Variants in KIF1A observed in about 807,000 individuals in gnomAD.
KIF1A encodes kinesin-like protein KIF1A.
KIF1A carries 46 observed loss-of-function variants against 227.3 expected under a neutral mutation model. The ratio of observed to expected loss-of-function variants is 0.20; its 90% confidence interval spans 0.16 to 0.26. The LOEUF (loss-of-function observed/expected upper bound fraction) is 0.26. Among genes scored for constraint, KIF1A ranks in the 10% least tolerant of loss-of-function variants. The pLI is 1.00. For synonymous variants in KIF1A, 1,022 were observed against 1,012.8 expected, an observed-to-expected ratio of 1.01 and a Z score of -0.17; for missense variants, 1,683 against 2,485.9, an observed-to-expected ratio of 0.68 and a Z score of 6.87.
intron 20 of KIF1A, among the ~76,000 whole-genome samples, chr2:240,763,683 C>T (rs571669801): frequency 1.7e-4 from 26 of 152,332 alleles, no homozygotes; most frequent in South Asian, 2.1e-4. Context: ...GAGCCAGGAC[C>T]CTCCTTCTCA....
chr2:240,767,357 C>T lies in KIF1A; in HGVS notation c.1498-12G>A, dbSNP rs369126975. 2.5e-6 allele frequency: 4 copies of T among 1,609,306 alleles called. No individual in the cohort carries two copies. The highest frequency in any genetic ancestry group is 3.4e-6 in the Non-Finnish European group (4 of 1,176,148). On this transcript the variant is annotated splice_polypyrimidine_tract_variant and intron_variant, in intron 17 of 48. Coordinates refer to ENST00000498729, the MANE Select transcript of KIF1A (RefSeq NM_001244008.2). ...ACGAGGTGTGGTGTCTGCAGGGAGACAGGAGGATCATCTCTCTTGCAGAGG... is the reference window on the plus strand; with the variant it reads ...ACGAGGTGTGGTGTCTGCAGGGAGATAGGAGGATCATCTCTCTTGCAGAGG...
At position 240,820,137 on chromosome 2, in the gene KIF1A, G is replaced by T. The variant is rs922717599; in HGVS notation, c.-76C>A. 6.7e-6 allele frequency: 1 copy of T among 149,386 alleles called. No homozygotes were observed. Among genetic ancestry groups the T allele is most frequent in the South Asian group, 1.8e-4 (1 of 5,668 alleles). 9.3% of individuals were successfully genotyped at this position (149,386 alleles called of 1,614,324 possible). A position where few individuals can be genotyped will look rare whatever the true frequency, so the allele number is the denominator to read the frequency against. On this transcript the variant is annotated 5_prime_UTR_variant, in exon 1 of 49. Coordinates refer to ENST00000498729, the MANE Select transcript of KIF1A (RefSeq NM_001244008.2). This position sits in a 1 kb window ranked among gnomAD's most constrained non-coding sequence, Gnocchi z 6.2. ...GCGGCCTTACCTCTCCGGCGTCACT[G>T]GCGGCGGCCCCGCATGGGCACTGGC...
At position 240,740,936 on chromosome 2, in the gene KIF1A, C is replaced by T. The variant is rs1439301172; in HGVS notation, c.3749+333G>A. ...TCCCCTCCCACCTCCCTCAAAAGTC[C>T]CTTGATCACTTTGTAAGTGCTGTCT... On this transcript the variant is annotated intron_variant, in intron 35 of 48. Coordinates refer to ENST00000498729, the MANE Select transcript of KIF1A (RefSeq NM_001244008.2). This position sits in a 1 kb window ranked among gnomAD's most constrained non-coding sequence, Gnocchi z 6.1. 6.6e-6 allele frequency among the ~76,000 whole-genome samples: 1 copy of T among 151,918 alleles called. No homozygotes were observed. Among genetic ancestry groups the T allele is most frequent in the Non-Finnish European group, 1.5e-5 (1 of 67,940 alleles).
intron 2 of KIF1A, among the ~76,000 whole-genome samples, chr2:240,796,988 C>A (rs571443140): frequency 1.3e-5 from 2 of 152,264 alleles, no homozygotes; most frequent in East Asian, 3.9e-4. Flanking sequence ...TCATTGTCCA[C>A]ATCCTGAAGA....
At chr2:240,756,300 C>T (rs948219612) in intron 27 of KIF1A, among the ~76,000 whole-genome samples, 1 of 152,224 alleles carries the variant, frequency 6.6e-6, no homozygotes, top group African/African-American at 2.4e-5. Context: ...TATCTTATGA[C>T]ATTCATATAT....
rs2054737580 is a variant in KIF1A at position 240,786,258 on chromosome 2, C to G, written c.608+77G>C. The G allele has an allele frequency of 5.6e-6, 8 of 1,427,958 alleles. No homozygotes were observed. In the South Asian group the frequency reaches 9.3e-5, roughly 17 times the overall value. 88.5% of individuals were successfully genotyped at this position (1,427,958 alleles called of 1,614,324 possible). A position where few individuals can be genotyped will look rare whatever the true frequency, so the allele number is the denominator to read the frequency against. ...TGGACCCTACCAAAAAGGGCCAGGA[C>G]CGAGGTGAAGGGGCTTCCTCCGGGG... On this transcript the variant is annotated intron_variant, in intron 6 of 48. Transcript: ENST00000498729.
rs771993509 is a variant in KIF1A, at chr2:240,787,326, T to TG, written c.364-11dup. 1.2e-6 allele frequency: 2 copies of TG among 1,612,386 alleles called. No individual in the cohort carries two copies. Among genetic ancestry groups the TG allele is most frequent in the Non-Finnish European group, 8.5e-7 (1 of 1,179,176 alleles). On this transcript the variant is annotated splice_polypyrimidine_tract_variant and intron_variant, in intron 4 of 48. Transcript: ENST00000498729. ...AGAGGTCCTCGCAGAGCTGCAGGAA[T>TG]GGGGGGACAGTCAGCCAGGGAGGGC...
intron 23 of KIF1A, among the ~76,000 whole-genome samples, chr2:240,761,608 G>T (rs906511140): frequency 6.6e-6 from 1 of 152,170 alleles, no homozygotes; most frequent in Non-Finnish European, 1.5e-5. Context: ...CTCTCCCCAG[G>T]CTTCCTCTCA....
chr2:240,767,359 G>A lies in KIF1A; in HGVS notation c.1498-14C>T, dbSNP rs2051334382. The A allele has an allele frequency of 1.2e-6, 2 of 1,607,624 alleles. No homozygotes were observed. Among genetic ancestry groups the A allele is most frequent in the Non-Finnish European group, 1.7e-6 (2 of 1,174,708 alleles). ...GAGGTGTGGTGTCTGCAGGGAGACA[G>A]GAGGATCATCTCTCTTGCAGAGGGG... On this transcript the variant is annotated splice_polypyrimidine_tract_variant and intron_variant, in intron 17 of 48. Coordinates refer to ENST00000498729, the MANE Select transcript of KIF1A (RefSeq NM_001244008.2).
chr2:240,733,709 C>G (rs1035346604), intron 38 of KIF1A, among the ~76,000 whole-genome samples: 3 of 152,238 alleles, frequency 2.0e-5, no homozygotes, highest in Admixed American at 1.3e-4. Context: ...GCCCCACTGC[C>G]CTGGGGCTCT....
At position 240,786,454 on chromosome 2, in the gene KIF1A, C is replaced by T. The variant is rs201702040; in HGVS notation, c.489G>A (p.Lys163=). 5.6e-6 allele frequency: 9 copies of T among 1,613,648 alleles called. No individual in the cohort carries two copies. Among genetic ancestry groups the T allele is most frequent in the Non-Finnish European group, 6.8e-6 (8 of 1,179,770 alleles). ...RVRDLLNPKN[K]GNLRVREHPL... ...GGTGCTCCCTCACGCGAAGGTTGCC[C>T]TTGTTCTTGGGGTTCAGGAGGTCAC... Residue 163 remains lysine, a synonymous_variant, in exon 6 of 49, where the codon AAG becomes AAA. Coordinates refer to ENST00000498729, the MANE Select transcript of KIF1A (RefSeq NM_001244008.2).
At position 240,740,277 on chromosome 2, in the gene KIF1A, A is replaced by G. The variant is rs1319187628; in HGVS notation, c.3816+21T>C. 1.9e-6 allele frequency: 3 copies of G among 1,606,250 alleles called. No homozygotes were observed. Among genetic ancestry groups the G allele is most frequent in the Non-Finnish European group, 2.6e-6 (3 of 1,174,684 alleles). ...GTGGGGGAGGGGACACAGGCAGGGT[A>G]GGGGCAAGAGGGGCTCACACCTGGT... On this transcript the variant is annotated intron_variant, in intron 36 of 48. Coordinates refer to ENST00000498729, the MANE Select transcript of KIF1A (RefSeq NM_001244008.2). This position sits in a 1 kb window ranked among gnomAD's most constrained non-coding sequence, Gnocchi z 6.1.
chr2:240,763,039 G>T lies in KIF1A; in HGVS notation c.2002C>A (p.Leu668Met). Residue 668 changes from leucine to methionine, a missense_variant, in exon 22 of 49, where the codon CTG becomes ATG. By Grantham distance (15) the Leu-to-Met change is conservative. This residue lies in a region of KIF1A where 217 missense variants were observed against 427.0 expected (regional missense o/e 0.51). Coordinates refer to ENST00000498729, the MANE Select transcript of KIF1A (RefSeq NM_001244008.2). ...CTCACCAGCCGCTGCTGCTCCAGCAGGTAGGTGGCCTCCTCCCGCTCGCGG... is the reference window on the plus strand; with the variant it reads ...CTCACCAGCCGCTGCTGCTCCAGCATGTAGGTGGCCTCCTCCCGCTCGCGG... Reference protein sequence around the residue: ...YRREREEATYLLEQQRLDYES... With the variant: ...YRREREEATYMLEQQRLDYES... The T allele has an allele frequency of 6.6e-7, 1 of 1,525,904 alleles. No individual in the cohort carries two copies. Among genetic ancestry groups the T allele is most frequent in the Non-Finnish European group, 8.8e-7 (1 of 1,138,554 alleles). The allele number at this position is 1,525,904 out of a possible 1,614,324, so 94.5% of individuals were successfully genotyped here.
At chr2:240,721,394 G>A (rs912595262) in intron 44 of KIF1A, among the ~76,000 whole-genome samples, 1 of 152,258 alleles carries the variant, frequency 6.6e-6, no homozygotes, top group South Asian at 2.1e-4. Context: ...GCCAGGGCTG[G>A]AGCTCCACGC....
intron 38 of KIF1A, among the ~76,000 whole-genome samples, chr2:240,730,662 C>T (rs1037797141): frequency 8.5e-5 from 13 of 152,210 alleles, no homozygotes; most frequent in Non-Finnish European, 1.6e-4. Context: ...AGACTTGATC[C>T]GATGTGAACA....
intron 2 of KIF1A, among the ~76,000 whole-genome samples, chr2:240,796,173 G>A (rs2056372934): frequency 6.6e-6 from 1 of 152,196 alleles, no homozygotes; most frequent in Non-Finnish European, 1.5e-5. Context: ...GTCACACCCA[G>A]AGCCATGGTT....
intron 1 of KIF1A, chr2:240,819,117 G>GCCC (rs1309364737): frequency 6.7e-6 from 1 of 149,486 alleles, no homozygotes; most frequent in Non-Finnish European, 1.5e-5. Context: ...GGCGCCCAGC[G>GCCC]CCCCGCTCCT....
chr2:240,729,885 C>G (rs1038055589), intron 38 of KIF1A, among the ~76,000 whole-genome samples: 1 of 152,206 alleles, frequency 6.6e-6, no homozygotes, highest in African/African-American at 2.4e-5. Context: ...GATGGCTAGC[C>G]GGACCAGGGT....
intron 9 of KIF1A, among the ~76,000 whole-genome samples, 191 bp from the exon 10 acceptor site, chr2:240,782,798 G>A (rs1281413130): frequency 3.9e-5 from 6 of 152,122 alleles, no homozygotes; most frequent in Non-Finnish European, 5.9e-5. Context: ...CCAGGCCTGG[G>A]CTGCCTGCTG....
Sources: gnomAD v4.1 joint callset for allele counts (sites outside exome capture counted in the v4.1 genomes callset) on GRCh38, gnomAD v4.1.1 for gene constraint, gnomAD v4.1.1 regional missense constraint, Gnocchi (gnomAD v3.1) non-coding constraint, MANE v1.5 for transcripts, NCBI Gene and HGNC (gene_info 2026-07-23, HGNC 2026-07-21) for gene names.